The following PTPN4 variants were observed in gnomAD, a reference collection of about 807,000 sequenced individuals.
PTPN4 encodes the protein protein tyrosine phosphatase non-receptor type 4.
In PTPN4, 49 loss-of-function variants were observed where a neutral mutation model predicts 135.5. The observed-to-expected ratio is 0.36, with a 90% CI of 0.29 to 0.46. The LOEUF (loss-of-function observed/expected upper bound fraction) is 0.46, where lower values mean the gene tolerates loss of function less well. Ranked by LOEUF, PTPN4 falls within the 20% of genes least tolerant of loss-of-function variation. PTPN4 has a pLI of 1.00. For synonymous variants in PTPN4, 333 were observed against 369.9 expected, an observed-to-expected ratio of 0.90 and a Z score of 1.14; for missense variants, 860 against 1,101.0, an observed-to-expected ratio of 0.78 and a Z score of 3.10.
At chr2:119,791,827 T>G (rs1439093357) in intron 1 of PTPN4, among the ~76,000 whole-genome samples, 1 of 152,046 alleles carries the variant, frequency 6.6e-6, no homozygotes, top group Non-Finnish European at 1.5e-5. Flanking sequence ...TTAATTTTTC[T>G]AAGTCAAATT....
chr2:119,969,552 CT>C (rs35531556), intron 26 of PTPN4, among the ~76,000 whole-genome samples: 185 of 113,852 alleles, frequency 1.6e-3, no homozygotes, highest in African/African-American at 5.8e-3. Flanking sequence ...TAATCAATTT[CT>C]TTTTTTTTTT....
At chr2:119,924,338 A>G (rs1678784409) in intron 12 of PTPN4, among the ~76,000 whole-genome samples, 1 of 152,036 alleles carries the variant, frequency 6.6e-6, no homozygotes, top group Non-Finnish European at 1.5e-5. Context: ...AGTGGCATAT[A>G]TACCATAGTT....
At chr2:119,856,347 G>T (rs1254750075) in intron 2 of PTPN4, among the ~76,000 whole-genome samples, 1 of 152,178 alleles carries the variant, frequency 6.6e-6, no homozygotes, top group Non-Finnish European at 1.5e-5. Context: ...AGCAGAGGGA[G>T]CCATTTGCTA....
chr2:119,904,509 C>G (rs190353424), intron 10 of PTPN4, among the ~76,000 whole-genome samples: 1 of 152,228 alleles, frequency 6.6e-6, no homozygotes, highest in Non-Finnish European at 1.5e-5. Context: ...AGCTTCCCAA[C>G]TCTTGCAAGA....
intron 9 of PTPN4, among the ~76,000 whole-genome samples, chr2:119,888,980 C>T (rs1290864529): frequency 1.3e-5 from 2 of 152,112 alleles, no homozygotes; most frequent in Non-Finnish European, 2.9e-5. Context: ...TGTTGGGAGA[C>T]TTTCTTTACT....
intron 3 of PTPN4, among the ~76,000 whole-genome samples, chr2:119,872,053 T>A (rs1405904554): frequency 6.6e-6 from 1 of 152,230 alleles, no homozygotes; most frequent in African/African-American, 2.4e-5. Context: ...GAGGATTTAT[T>A]GAACCCCACT....
At chr2:119,767,828 G>A (rs531307852) in intron 1 of PTPN4, among the ~76,000 whole-genome samples, 10 of 152,194 alleles carry the variant, frequency 6.6e-5, no homozygotes, top group Admixed American at 3.3e-4. Context: ...TGCTACTAGC[G>A]ATGTTTAACT....
intron 3 of PTPN4, among the ~76,000 whole-genome samples, chr2:119,873,808 T>A (rs780690436): frequency 2.0e-5 from 3 of 152,210 alleles, no homozygotes; most frequent in Non-Finnish European, 2.9e-5. Context: ...GTACAGCAGT[T>A]CTTGGCAAAG....
chr2:119,943,414 C>A (rs1679087142), intron 15 of PTPN4, among the ~76,000 whole-genome samples: 1 of 150,696 alleles, frequency 6.6e-6, no homozygotes, highest in Non-Finnish European at 1.5e-5. Flanking sequence ...AACAAAAGTT[C>A]TTTCTTTCTT....
At chr2:119,868,913 A>T (rs1187626810) in intron 3 of PTPN4, among the ~76,000 whole-genome samples, 2 of 152,194 alleles carry the variant, frequency 1.3e-5, no homozygotes, top group East Asian at 3.9e-4. Context: ...GTGTGTCTTT[A>T]ATTCCTCTAG....
rs774131346 is a variant in PTPN4, at chr2:119,885,780, A to C, written c.588-15A>C. ...ATTGATTGATCTCATTTTTAACTTA[A>C]TGATGTCTTTATAGAGGCTTATCTC... On this transcript the variant is annotated splice_polypyrimidine_tract_variant and intron_variant, in intron 8 of 26. Coordinates refer to ENST00000263708, the MANE Select transcript of PTPN4 (RefSeq NM_002830.4). 6.6e-7 allele frequency: 1 copy of C among 1,515,530 alleles called. No individual in the cohort carries two copies. Among genetic ancestry groups the C allele is most frequent in the Non-Finnish European group, 8.9e-7 (1 of 1,118,444 alleles). The allele number at this position is 1,515,530 out of a possible 1,614,324, so 93.9% of individuals were successfully genotyped here. A position where few individuals can be genotyped will look rare whatever the true frequency, so the allele number is the denominator to read the frequency against.
chr2:119,844,662 G>A (rs1301872942), intron 2 of PTPN4, among the ~76,000 whole-genome samples: 2 of 151,318 alleles, frequency 1.3e-5, no homozygotes, highest in African/African-American at 4.9e-5. Flanking sequence ...ATGGGCGGCC[G>A]GGCAGAGATG....
intron 10 of PTPN4, 76 bp from the exon 11 acceptor site, chr2:119,915,103 T>G: frequency 8.1e-7 from 1 of 1,238,618 alleles, no homozygotes; most frequent in South Asian, 1.6e-5. Context: ...AATATACACT[T>G]AAAACATTTT....
chr2:119,906,640 A>T (rs1678493300), intron 10 of PTPN4, among the ~76,000 whole-genome samples: 1 of 152,250 alleles, frequency 6.6e-6, no homozygotes, highest in Non-Finnish European at 1.5e-5. Context: ...AACTCTCAAC[A>T]AATTAGGTGT....
Position 119,979,383 on chromosome 2 carries a change from A to G in PTPN4, c.*2313A>G, listed in dbSNP as rs1043769579. The G allele has an allele frequency of 2.6e-5, 4 of 152,116 alleles. No homozygotes were observed. The highest frequency in any genetic ancestry group is 5.9e-5 in the Non-Finnish European group (4 of 67,970). 9.4% of individuals were successfully genotyped at this position (152,116 alleles called of 1,614,324 possible). ...GCACTGCTGCCTTTTTAAATCATCA[A>G]TGCCTGTCTTTAAATGCCAATCATT... On this transcript the variant is annotated 3_prime_UTR_variant, in exon 27 of 27. Coordinates refer to ENST00000263708, the MANE Select transcript of PTPN4 (RefSeq NM_002830.4).
intron 15 of PTPN4, among the ~76,000 whole-genome samples, chr2:119,936,562 G>A (rs1281604658): frequency 6.6e-6 from 1 of 152,162 alleles, no homozygotes; most frequent in Non-Finnish European, 1.5e-5. Flanking sequence ...GCCCTGTGAA[G>A]AGGTGCCTTC....
intron 3 of PTPN4, among the ~76,000 whole-genome samples, chr2:119,872,092 T>C (rs1248845891): frequency 6.6e-6 from 1 of 152,246 alleles, no homozygotes; most frequent in African/African-American, 2.4e-5. Context: ...TTAATTTTAT[T>C]AAATTTTGTT....
In PTPN4 at chr2:119,984,567, C is replaced by T. The variant is rs1679738278; in HGVS notation, c.*7497C>T. Among the ~76,000 whole-genome samples, 1 of 152,090 alleles carries T rather than the reference C, an allele frequency of 6.6e-6. No individual in the cohort carries two copies. The highest frequency in any genetic ancestry group is 2.1e-4 in the South Asian group (1 of 4,828). ...ATAAGCTTGAATTTGGTCAACACTG[C>T]ATAATTTGAAATCACTCTGCATTTG... On this transcript the variant is annotated 3_prime_UTR_variant, in exon 27 of 27. Transcript: ENST00000263708.
In PTPN4 at chr2:119,983,642, A is replaced by G. The variant is rs1011284693; in HGVS notation, c.*6572A>G. 1.3e-5 allele frequency: 2 copies of G among 152,220 alleles called. No individual in the cohort carries two copies. Among genetic ancestry groups the G allele is most frequent in the Admixed American group, 6.5e-5 (1 of 15,282 alleles). The allele number at this position is 152,220 out of a possible 1,614,324, so 9.4% of individuals were successfully genotyped here. ...AATAAAATTATCCTAGAAGTGTTGT[A>G]AACGTGGGAAAATTTTAATTAGTGT... is the stretch of plus-strand genomic sequence containing the variant. On this transcript the variant is annotated 3_prime_UTR_variant, in exon 27 of 27. Transcript: ENST00000263708.
Sources: gnomAD v4.1 joint callset for allele counts (sites outside exome capture counted in the v4.1 genomes callset) on GRCh38, gnomAD v4.1.1 for gene constraint, MANE v1.5 for transcripts, NCBI Gene and HGNC (gene_info 2026-07-23, HGNC 2026-07-21) for gene names.